Variants in ANGPT1 observed in about 807,000 individuals in gnomAD.
ANGPT1 encodes the protein angiopoietin 1.
ANGPT1 carries 17 observed loss-of-function variants against 62.2 expected under a neutral mutation model. That is an observed-to-expected ratio of 0.27 (90% CI 0.19 to 0.41). The LOEUF is 0.41. Ranked by LOEUF, ANGPT1 falls within the 10% of genes least tolerant of loss-of-function variation. The pLI is 1.00. For missense variants in ANGPT1, 478 were observed against 594.9 expected, an observed-to-expected ratio of 0.80 and a Z score of 2.04; for synonymous variants, 199 against 198.9, an observed-to-expected ratio of 1.00 and a Z score of 0.00.
intron 1 of ANGPT1, among the ~76,000 whole-genome samples, chr8:107,488,901 G>C (rs1230559334): frequency 6.6e-6 from 1 of 152,038 alleles, no homozygotes; most frequent in Non-Finnish European, 1.5e-5. Flanking sequence ...TGAAATCCTG[G>C]GGCTATCTTT....
At chr8:107,451,716 T>C (rs371956961) in intron 1 of ANGPT1, among the ~76,000 whole-genome samples, 2 of 152,004 alleles carry the variant, frequency 1.3e-5, no homozygotes, top group African/African-American at 4.8e-5. Flanking sequence ...GGGATGCCAT[T>C]GTGGAGGTCA....
rs1455972531 is a variant in ANGPT1 at position 107,465,650 on chromosome 8, C to T, written c.297+31612G>A. 3.3e-5 allele frequency among the ~76,000 whole-genome samples: 5 copies of T among 152,220 alleles called. No homozygotes were observed. The South Asian group carries it at 8.3e-4, about 25-fold the overall frequency. The stretch of plus-strand genomic sequence containing the variant: ...TACTCTGTCTTTAAACATACATCTT[C>T]GTTTTCAAGTAAATGCAAAATAGTA... On this transcript the variant is annotated intron_variant, in intron 1 of 8. Coordinates refer to ENST00000517746, the MANE Select transcript of ANGPT1 (RefSeq NM_001146.5).
chr8:107,474,915 C>T (rs1179843698), intron 1 of ANGPT1, among the ~76,000 whole-genome samples: 1 of 152,166 alleles, frequency 6.6e-6, no homozygotes, highest in Non-Finnish European at 1.5e-5. Flanking sequence ...CTACAACCCA[C>T]TGCTCAATGA....
chr8:107,271,432 G>A (rs1392648268), intron 7 of ANGPT1, among the ~76,000 whole-genome samples: 4 of 151,966 alleles, frequency 2.6e-5, no homozygotes, highest in Non-Finnish European at 5.9e-5. Context: ...CATGAATTAC[G>A]GGAATGACTA....
intron 1 of ANGPT1, among the ~76,000 whole-genome samples, chr8:107,443,074 G>A (rs1028598425): frequency 5.3e-5 from 8 of 152,140 alleles, no homozygotes; most frequent in Non-Finnish European, 1.2e-4. Flanking sequence ...ATAACTTTGT[G>A]TTTGTGTGTG....
At chr8:107,492,073 A>C (rs1812973085) in intron 1 of ANGPT1, among the ~76,000 whole-genome samples, 1 of 152,170 alleles carries the variant, frequency 6.6e-6, no homozygotes, top group South Asian at 2.1e-4. Context: ...TTTTGATTCT[A>C]AAATGTAACA....
chr8:107,301,768 G>T (rs975178298), intron 5 of ANGPT1, among the ~76,000 whole-genome samples: 2 of 151,838 alleles, frequency 1.3e-5, no homozygotes, highest in Non-Finnish European at 2.9e-5. Flanking sequence ...TATCTTTCAA[G>T]AAGAAAATTT....
intron 1 of ANGPT1, among the ~76,000 whole-genome samples, chr8:107,451,412 A>G (rs919270901): frequency 2.0e-5 from 3 of 151,832 alleles, no homozygotes; most frequent in Non-Finnish European, 4.4e-5. Context: ...CATTGGCCCT[A>G]AGAGAGTTCA....
intron 1 of ANGPT1, among the ~76,000 whole-genome samples, chr8:107,393,791 C>T (rs954812620): frequency 6.6e-6 from 1 of 152,148 alleles, no homozygotes; most frequent in African/African-American, 2.4e-5. Flanking sequence ...GCCTGGGCGG[C>T]TGGACGAGAC....
intron 1 of ANGPT1, among the ~76,000 whole-genome samples, chr8:107,474,455 A>T (rs1252218392): frequency 6.6e-6 from 1 of 152,196 alleles, no homozygotes; most frequent in Non-Finnish European, 1.5e-5. Flanking sequence ...AGAGCTATTT[A>T]TGACAAACCC....
intron 4 of ANGPT1, among the ~76,000 whole-genome samples, chr8:107,317,012 A>G (rs907437465): frequency 6.6e-6 from 1 of 152,190 alleles, no homozygotes; most frequent in Non-Finnish European, 1.5e-5. Flanking sequence ...AGCAAACTAG[A>G]ATCATAATAA....
At chr8:107,302,531 CTGTT>C (rs1451837418) in intron 5 of ANGPT1, among the ~76,000 whole-genome samples, 2 of 151,912 alleles carry the variant, frequency 1.3e-5, no homozygotes, top group Admixed American at 1.3e-4. Context: ...ACACTAGAAA[CTGTT>C]TGCTCTATAT....
intron 3 of ANGPT1, among the ~76,000 whole-genome samples, chr8:107,324,117 A>G (rs1331458596): frequency 1.3e-5 from 2 of 150,536 alleles, no homozygotes; most frequent in African/African-American, 2.5e-5. Context: ...TACGAGTTCA[A>G]TTATGGCCTG....
At chr8:107,257,887 G>GTTTTTTTTTTTTTTTTTTTTTTTT (rs774474320) in intron 8 of ANGPT1, among the ~76,000 whole-genome samples, 1 of 110,946 alleles carries the variant, frequency 9.0e-6, no homozygotes, top group Non-Finnish European at 1.9e-5. Flanking sequence ...TTTCTTTTTT[G>GTTTTTTTTTTTTTTTTTTTTTTTT]TTTGTTTGTT....
At chr8:107,344,632 C>T (rs903367587) in intron 2 of ANGPT1, among the ~76,000 whole-genome samples, 7 of 152,162 alleles carry the variant, frequency 4.6e-5, no homozygotes, top group African/African-American at 1.7e-4. Context: ...TTAATTATTT[C>T]ATAACATCAT....
intron 1 of ANGPT1, among the ~76,000 whole-genome samples, chr8:107,370,338 G>GAAAAGAAAGAAAGAAAGAAAGAAAGAA (rs1816367470): frequency 3.0e-5 from 1 of 33,760 alleles, no homozygotes; most frequent in African/African-American, 8.4e-5. Flanking sequence ...AGGAAAGAAA[G>GAAAAGAAAGAAAGAAAGAAAGAAAGAA]AAAAAGAAAG....
At chr8:107,478,697 T>C (rs1338641572) in intron 1 of ANGPT1, among the ~76,000 whole-genome samples, 1 of 152,210 alleles carries the variant, frequency 6.6e-6, no homozygotes, top group Non-Finnish European at 1.5e-5. Context: ...TTTGGGTATG[T>C]TCCTTGTCAA....
rs533692176 is a variant in ANGPT1 at position 107,322,141 on chromosome 8, G to T, written c.576-13C>A. ...ATGTTCTAATAAACTACAAGGAAGTGAAAATAAAACTTAGATTTGAAAAAA... is the reference window on the plus strand; with the variant it reads ...ATGTTCTAATAAACTACAAGGAAGTTAAAATAAAACTTAGATTTGAAAAAA... On this transcript the variant is annotated splice_polypyrimidine_tract_variant and intron_variant, in intron 3 of 8. Transcript: ENST00000517746. The T allele has an allele frequency of 2.5e-5, 39 of 1,570,532 alleles. No individual in the cohort carries two copies. The East Asian group carries it at 8.3e-4, about 34-fold the overall frequency.
chr8:107,439,509 AGAG>A (rs930326226), intron 1 of ANGPT1, among the ~76,000 whole-genome samples: 6 of 152,228 alleles, frequency 3.9e-5, no homozygotes, highest in African/African-American at 1.4e-4. Flanking sequence ...AGAGCTTGGT[AGAG>A]TGTTTTACAT....
Sources: allele counts gnomAD v4.1 joint callset (sites outside exome capture counted in the v4.1 genomes callset), GRCh38; gene constraint gnomAD v4.1.1; transcripts MANE v1.5; gene names NCBI Gene and HGNC (gene_info 2026-07-23, HGNC 2026-07-21).